Variants in PTPRM observed in about 807,000 individuals in gnomAD.
PTPRM encodes the protein protein tyrosine phosphatase receptor type M, also known as receptor-type tyrosine-protein phosphatase mu.
Under a neutral mutation model 186.7 loss-of-function variants are expected in PTPRM, and 47 were observed. That is an observed-to-expected ratio of 0.25 (90% CI 0.20 to 0.32). PTPRM has a LOEUF of 0.32. Ranked by LOEUF, PTPRM falls within the 10% of genes least tolerant of loss-of-function variation. PTPRM has a pLI of 1.00. For missense variants in PTPRM, 1,494 were observed against 1,865.0 expected (o/e 0.80, Z 3.66); for synonymous variants, 668 against 674.9 (o/e 0.99, Z 0.16).
At chr18:7,599,655 A>G (rs2037350859) in intron 1 of PTPRM, among the ~76,000 whole-genome samples, 1 of 151,994 alleles carries the variant, frequency 6.6e-6, no homozygotes, top group South Asian at 2.1e-4. Flanking sequence ...CAAATGTAGC[A>G]CCCTGCTACA....
intron 2 of PTPRM, among the ~76,000 whole-genome samples, chr18:7,816,070 A>G (rs903367769): frequency 1.3e-5 from 2 of 152,214 alleles, no homozygotes; most frequent in Non-Finnish European, 2.9e-5. Context: ...GTCCCAGTTT[A>G]TATTCTGGAA....
At chr18:8,305,700 T>C (rs866988444) in intron 20 of PTPRM, among the ~76,000 whole-genome samples, 1 of 152,192 alleles carries the variant, frequency 6.6e-6, no homozygotes, top group African/African-American at 2.4e-5. Flanking sequence ...TTGAAGAGCA[T>C]TCAGCATGTC....
chr18:8,203,056 C>A (rs756129943), intron 14 of PTPRM, among the ~76,000 whole-genome samples: 13 of 152,074 alleles, frequency 8.5e-5, no homozygotes, highest in Admixed American at 2.6e-4. Context: ...TTGGTTACGG[C>A]GAATCAAACT....
chr18:7,954,986 C>A, intron 6 of PTPRM, 135 bp from the exon 7 acceptor site: 1 of 946,050 alleles, frequency 1.1e-6, no homozygotes, highest in Non-Finnish European at 1.5e-6. Flanking sequence ...TTCTTGTTAA[C>A]CCAAACAAAA....
chr18:7,954,189 A>G (rs1034186635), intron 6 of PTPRM, among the ~76,000 whole-genome samples: 4 of 152,184 alleles, frequency 2.6e-5, no homozygotes, highest in Admixed American at 6.5e-5. Context: ...AAGATTGACA[A>G]TGATATAGGA....
At chr18:8,051,102 C>T (rs1183572128) in intron 7 of PTPRM, among the ~76,000 whole-genome samples, 1 of 152,158 alleles carries the variant, frequency 6.6e-6, no homozygotes, top group Non-Finnish European at 1.5e-5. Flanking sequence ...CACAGGACTC[C>T]ATCCCGTGGG....
At chr18:8,330,459 T>C (rs2095406033) in intron 22 of PTPRM, among the ~76,000 whole-genome samples, 1 of 152,172 alleles carries the variant, frequency 6.6e-6, no homozygotes, top group Non-Finnish European at 1.5e-5. Flanking sequence ...TCTTTTTTCT[T>C]AAATAAAAGA....
chr18:7,725,098 C>CACATCTAAATGATGG (rs1028011082), intron 1 of PTPRM, among the ~76,000 whole-genome samples: 2 of 152,112 alleles, frequency 1.3e-5, no homozygotes, highest in African/African-American at 2.4e-5. Context: ...GGTTATTCAC[C>CACATCTAAATGATGG]ACATCTAAAT....
At chr18:8,160,763 C>A (rs1472975675) in intron 14 of PTPRM, among the ~76,000 whole-genome samples, 1 of 152,220 alleles carries the variant, frequency 6.6e-6, no homozygotes, top group African/African-American at 2.4e-5. Context: ...GCTCTTCTCG[C>A]TGTTAGCTGT....
At chr18:7,581,230 T>C (rs1452562791) in intron 1 of PTPRM, among the ~76,000 whole-genome samples, 1 of 152,192 alleles carries the variant, frequency 6.6e-6, no homozygotes, top group Non-Finnish European at 1.5e-5. Flanking sequence ...CAAGTCTTCC[T>C]TGCTAAGCAT....
chr18:7,883,666 G>GAA (rs2048619700), intron 2 of PTPRM, among the ~76,000 whole-genome samples: 1 of 152,184 alleles, frequency 6.6e-6, no homozygotes, highest in African/African-American at 2.4e-5. Context: ...GCCACACACT[G>GAA]AAATAAAGAT....
At chr18:8,192,527 A>T (rs1321274812) in intron 14 of PTPRM, among the ~76,000 whole-genome samples, 1 of 152,236 alleles carries the variant, frequency 6.6e-6, no homozygotes, top group Non-Finnish European at 1.5e-5. Context: ...CAATTTGATC[A>T]CCCAAAGAAT....
At chr18:7,639,766 T>C (rs1430325078) in intron 1 of PTPRM, among the ~76,000 whole-genome samples, 2 of 152,230 alleles carry the variant, frequency 1.3e-5, no homozygotes, top group African/African-American at 4.8e-5. Flanking sequence ...CATCCTGATA[T>C]TGTAGAGCAC....
intron 1 of PTPRM, among the ~76,000 whole-genome samples, chr18:7,649,401 A>G (rs2038642564): frequency 6.6e-6 from 1 of 152,210 alleles, no homozygotes; most frequent in South Asian, 2.1e-4. Flanking sequence ...TATATTTTGT[A>G]AGGCTATAGC....
chr18:7,944,470 C>T (rs144878762), intron 5 of PTPRM, among the ~76,000 whole-genome samples: 105 of 152,312 alleles, frequency 6.9e-4, no homozygotes, highest in African/African-American at 2.4e-3. Context: ...TGTGTTACCT[C>T]TTTGCCTAAG....
At chr18:7,933,005 C>T (rs765309426) in intron 5 of PTPRM, among the ~76,000 whole-genome samples, 12 of 152,130 alleles carry the variant, frequency 7.9e-5, no homozygotes, top group Non-Finnish European at 1.6e-4. Flanking sequence ...CTGAGGAGCA[C>T]AATGAAAAGT....
chr18:8,164,893 G>A lies in PTPRM; in HGVS notation c.2300+21114G>A, dbSNP rs970061601. Among the ~76,000 whole-genome samples the A allele has an allele frequency of 2.3e-4, 8 of 34,562 alleles. No homozygotes were observed. The East Asian group carries it at 6.5e-3, about 28-fold the overall frequency. The allele number at this position is 34,562 out of a possible 152,430, so 22.7% of individuals were successfully genotyped here. A position where few individuals can be genotyped will look rare whatever the true frequency, so the allele number is the denominator to read the frequency against. On this transcript the variant is annotated intron_variant, in intron 14 of 32. Coordinates refer to ENST00000580170, the MANE Select transcript of PTPRM (RefSeq NM_001105244.2). The stretch of plus-strand genomic sequence containing the variant: ...CAATAAATATCTTCTAAGGCCAGGC[G>A]CAGTGGCACATGCCTAATCCCAGCA...
chr18:7,705,501 G>A (rs771263786), intron 1 of PTPRM, among the ~76,000 whole-genome samples: 19 of 151,902 alleles, frequency 1.3e-4, no homozygotes, highest in Non-Finnish European at 2.5e-4. Flanking sequence ...TCTAAAGTTG[G>A]ATTATAATGT....
At chr18:8,313,504 A>G (rs628775) in intron 20 of PTPRM, among the ~76,000 whole-genome samples, 2,267 of 152,124 alleles carry the variant, frequency 0.015, 68 homozygotes, top group African/African-American at 0.052. Flanking sequence ...TCTAATCTAA[A>G]GGCCAGGGAC....
Sources: allele counts gnomAD v4.1 joint callset (sites outside exome capture counted in the v4.1 genomes callset), GRCh38; gene constraint gnomAD v4.1.1; transcripts MANE v1.5; gene names NCBI Gene and HGNC (gene_info 2026-07-23, HGNC 2026-07-21).